ACTR2: variants seen among roughly 807,000 people sequenced by gnomAD.
ACTR2 encodes the protein actin related protein 2.
ACTR2 carries 5 observed loss-of-function variants against 50.2 expected under a neutral mutation model. The observed-to-expected ratio is 0.10, with a 90% CI of 0.05 to 0.21. The LOEUF (loss-of-function observed/expected upper bound fraction) is 0.21, where lower values mean the gene tolerates loss of function less well. Ranked by LOEUF, ACTR2 falls within the 10% of genes least tolerant of loss-of-function variation. ACTR2 has a pLI of 1.00. For synonymous variants in ACTR2, 140 were observed against 162.9 expected, an observed-to-expected ratio of 0.86 and a Z score of 1.07; for missense variants, 180 against 480.6, an observed-to-expected ratio of 0.37 and a Z score of 5.85.
At chr2:65,244,880 T>A (rs1671906532) in intron 2 of ACTR2, among the ~76,000 whole-genome samples, 1 of 147,912 alleles carries the variant, frequency 6.8e-6, no homozygotes, top group African/African-American at 2.5e-5. Flanking sequence ...AGGTTGAGGC[T>A]GTGGTAAGCA....
chr2:65,262,991 C>CT (rs1672299414), intron 7 of ACTR2, among the ~76,000 whole-genome samples: 2 of 127,364 alleles, frequency 1.6e-5, no homozygotes, highest in Non-Finnish European at 1.7e-5. Context: ...AAGAAAGTTC[C>CT]TAAAAAAAAA....
chr2:65,253,955 C>A, intron 5 of ACTR2, 91 bp downstream of exon 5: 1 of 1,072,390 alleles, frequency 9.3e-7, no homozygotes, highest in Non-Finnish European at 1.3e-6. Context: ...AGGATTCCAG[C>A]AAATCTGTAC....
intron 7 of ACTR2, among the ~76,000 whole-genome samples, chr2:65,263,562 G>A (rs1672317672): frequency 6.6e-6 from 1 of 152,122 alleles, no homozygotes; most frequent in Non-Finnish European, 1.5e-5. Flanking sequence ...TTGATGGGAT[G>A]GCTTTGGAGC....
chr2:65,244,071 A>C (rs1671890152), intron 2 of ACTR2, among the ~76,000 whole-genome samples: 1 of 152,194 alleles, frequency 6.6e-6, no homozygotes, highest in Non-Finnish European at 1.5e-5. Flanking sequence ...GTTCTGAGGA[A>C]GGTAAGGATA....
chr2:65,228,073 C>CG, intron 1 of ACTR2, 116 bp downstream of exon 1: 1 of 984,526 alleles, frequency 1.0e-6, no homozygotes, highest in Non-Finnish European at 1.4e-6. Context: ...CGAAGGGGCG[C>CG]GGGGCGGTGC....
At chr2:65,249,348 A>C (rs1294838162) in intron 3 of ACTR2, among the ~76,000 whole-genome samples, 2 of 152,190 alleles carry the variant, frequency 1.3e-5, no homozygotes, top group Non-Finnish European at 2.9e-5. Context: ...GTTTTAAAGA[A>C]TCCATATGAT....
At chr2:65,245,244 G>A (rs993039839) in intron 2 of ACTR2, among the ~76,000 whole-genome samples, 1 of 151,784 alleles carries the variant, frequency 6.6e-6, no homozygotes, top group African/African-American at 2.4e-5. Context: ...TGTTGGCCAG[G>A]TGTGGTGGCT....
chr2:65,252,484 A>G (rs1672071893), intron 4 of ACTR2, among the ~76,000 whole-genome samples: 1 of 151,756 alleles, frequency 6.6e-6, no homozygotes, highest in African/African-American at 2.4e-5. Flanking sequence ...ACTAAAAAAA[A>G]AATACAAAAA....
At position 65,270,766 on chromosome 2, in the gene ACTR2, G is replaced by A. The variant is rs1226505688; in HGVS notation, c.*2032G>A. 6.6e-6 allele frequency: 1 copy of A among 152,052 alleles called. No individual in the cohort carries two copies. Among genetic ancestry groups the A allele is most frequent in the East Asian group, 1.9e-4 (1 of 5,194 alleles). The allele number at this position is 152,052 out of a possible 1,614,324, so 9.4% of individuals were successfully genotyped here. ...TGGTAAATGTGACAGTTAAAATGGT[G>A]CATTATGTATATATATTATAATTTA... is the stretch of plus-strand genomic sequence containing the variant. On this transcript the variant is annotated 3_prime_UTR_variant, in exon 9 of 9. Transcript: ENST00000260641.
At chr2:65,252,322 C>G (rs1672067657) in intron 4 of ACTR2, among the ~76,000 whole-genome samples, 1 of 151,448 alleles carries the variant, frequency 6.6e-6, no homozygotes, top group African/African-American at 2.4e-5. Context: ...CTTATTGCAT[C>G]AAGGAATTAT....
chr2:65,230,403 ATTTTTTTT>A (rs11299935), intron 1 of ACTR2, among the ~76,000 whole-genome samples: 8 of 78,182 alleles, frequency 1.0e-4, no homozygotes, highest in African/African-American at 2.3e-4. Flanking sequence ...ACCGAAGCTG[ATTTTTTTT>A]TTTTTTTTTT....
chr2:65,233,616 T>G (rs1429956182), intron 1 of ACTR2, among the ~76,000 whole-genome samples: 1 of 151,834 alleles, frequency 6.6e-6, no homozygotes, highest in African/African-American at 2.4e-5. Flanking sequence ...TTATTTTATT[T>G]TATTATTGTT....
intron 1 of ACTR2, among the ~76,000 whole-genome samples, chr2:65,230,780 G>C (rs1428990963): frequency 6.6e-6 from 1 of 151,970 alleles, no homozygotes; most frequent in East Asian, 1.9e-4. Flanking sequence ...TAGGCTGGGC[G>C]TTGTGGCTCA....
At chr2:65,247,860 C>T (rs1055188959) in intron 3 of ACTR2, among the ~76,000 whole-genome samples, 27 of 151,858 alleles carry the variant, frequency 1.8e-4, no homozygotes, top group African/African-American at 4.6e-4. Context: ...ATCAGGTTAA[C>T]GGGGAGTGGG....
intron 2 of ACTR2, chr2:65,242,027 CT>C: frequency 6.2e-7 from 1 of 1,607,438 alleles, no homozygotes; most frequent in Non-Finnish European, 8.5e-7. Flanking sequence ...CTCTCTTCAC[CT>C]TTCTTGACCC....
At chr2:65,263,262 T>TG (rs1489548812) in intron 7 of ACTR2, among the ~76,000 whole-genome samples, 10 of 112,140 alleles carry the variant, frequency 8.9e-5, no homozygotes, top group Admixed American at 7.2e-4. Flanking sequence ...TTTGGAGTTT[T>TG]GGGTTTTTTT....
At position 65,256,621 on chromosome 2, in the gene ACTR2, C is replaced by T. The variant is rs183988294; in HGVS notation, c.735+927C>T. 9.9e-5 allele frequency among the ~76,000 whole-genome samples: 15 copies of T among 152,236 alleles called. No homozygotes were observed. In the East Asian group the frequency reaches 2.9e-3, roughly 29 times the overall value. ...GCGCGGTGGCTCACGCCTGTAATCC[C>T]AGCACTTTGGGAGGCCGAGGCAGGC... On this transcript the variant is annotated intron_variant, in intron 6 of 8. Coordinates refer to ENST00000260641, the MANE Select transcript of ACTR2 (RefSeq NM_005722.4).
At chr2:65,268,092 CT>C (rs1455369478) in intron 8 of ACTR2, among the ~76,000 whole-genome samples, 1 of 151,872 alleles carries the variant, frequency 6.6e-6, no homozygotes, top group African/African-American at 2.4e-5. Context: ...CCGCCTTGGC[CT>C]CCCAAAGTGC....
At chr2:65,264,710 A>G (rs549067285) in intron 7 of ACTR2, among the ~76,000 whole-genome samples, 1 of 152,334 alleles carries the variant, frequency 6.6e-6, no homozygotes, top group South Asian at 2.1e-4. Flanking sequence ...ATAGTAAACA[A>G]CCACATCTTA....
Sources: gnomAD v4.1 joint callset for allele counts (sites outside exome capture counted in the v4.1 genomes callset) on GRCh38, gnomAD v4.1.1 for gene constraint, MANE v1.5 for transcripts, NCBI Gene and HGNC (gene_info 2026-07-23, HGNC 2026-07-21) for gene names.